Variants in PRKAG2 observed in about 807,000 individuals in gnomAD.
PRKAG2 encodes 5'-AMP-activated protein kinase subunit gamma-2.
Under a neutral mutation model 69.6 loss-of-function variants are expected in PRKAG2, and 26 were observed. The ratio of observed to expected loss-of-function variants is 0.37; its 90% confidence interval spans 0.27 to 0.52. The LOEUF (loss-of-function observed/expected upper bound fraction) is 0.52. PRKAG2 is among the 20% of genes least tolerant of loss of function. The pLI, the probability that PRKAG2 is intolerant of heterozygous loss-of-function variation, is 0.90. For missense variants in PRKAG2, 557 were observed against 740.0 expected (o/e 0.75, Z 2.87); for synonymous variants, 293 against 285.0 (o/e 1.03, Z -0.28).
At chr7:151,572,877 T>A (rs112864625) in intron 8 of PRKAG2, among the ~76,000 whole-genome samples, 168 bp from the exon 9 acceptor site, 1 of 151,966 alleles carries the variant, frequency 6.6e-6, no homozygotes, top group Non-Finnish European at 1.5e-5. Context: ...CTTTGGGAGA[T>A]CAAGGTGGGC....
In PRKAG2 at chr7:151,763,748, G is replaced by A. The variant is rs369829199; in HGVS notation, c.466+17404C>T. On this transcript the variant is annotated intron_variant, in intron 3 of 15. Coordinates refer to ENST00000287878, the MANE Select transcript of PRKAG2 (RefSeq NM_016203.4). ...CCTGGGCCTCTGCCCTCCCTCGTGT[G>A]CCAGCCATACCCAGCTGTCTGTCTC... Among the ~76,000 whole-genome samples the A allele has an allele frequency of 3.3e-5, 5 of 152,272 alleles. No homozygotes were observed. The South Asian group carries it at 6.2e-4, about 19-fold the overall frequency.
At chr7:151,722,812 T>C (rs1188969421) in intron 3 of PRKAG2, among the ~76,000 whole-genome samples, 1 of 152,042 alleles carries the variant, frequency 6.6e-6, no homozygotes, top group Admixed American at 6.5e-5. Flanking sequence ...GCAAAACTGA[T>C]TAGATAGGCA....
intron 1 of PRKAG2, among the ~76,000 whole-genome samples, chr7:151,866,236 C>T (rs1210848900): frequency 6.6e-6 from 1 of 152,188 alleles, no homozygotes; most frequent in African/African-American, 2.4e-5. Context: ...CGTCCAGCCT[C>T]ATCCCCTACC....
intron 3 of PRKAG2, among the ~76,000 whole-genome samples, chr7:151,729,144 G>T (rs1586121487): frequency 6.8e-6 from 1 of 146,948 alleles, no homozygotes; most frequent in Non-Finnish European, 1.5e-5. Context: ...GCTTTTCCAG[G>T]CATGGATGAG....
At chr7:151,773,072 AGGG>A (rs2076147804) in intron 3 of PRKAG2, among the ~76,000 whole-genome samples, 1 of 33,954 alleles carries the variant, frequency 2.9e-5, no homozygotes, top group African/African-American at 1.4e-4. Context: ...GGAGGGAGGG[AGGG>A]AGGGAGGGAG....
intron 4 of PRKAG2, among the ~76,000 whole-genome samples, chr7:151,671,623 G>C (rs1245742051): frequency 1.3e-5 from 2 of 152,254 alleles, no homozygotes; most frequent in African/African-American, 4.8e-5. Flanking sequence ...TCTGAAAAGA[G>C]GTTGAGGTTC....
chr7:151,773,088 A>AG (rs1563640718), intron 3 of PRKAG2, among the ~76,000 whole-genome samples: 2 of 27,566 alleles, frequency 7.3e-5, no homozygotes, highest in Non-Finnish European at 1.3e-4. Context: ...GGAGGGAGGG[A>AG]GGGAGGGAAG....
At chr7:151,812,978 C>T (rs1370509609) in intron 1 of PRKAG2, among the ~76,000 whole-genome samples, 3 of 151,804 alleles carry the variant, frequency 2.0e-5, no homozygotes, top group South Asian at 4.2e-4. Context: ...TTTATCTAGT[C>T]CTTGGAAGTT....
At position 151,644,282 on chromosome 7, in the gene PRKAG2, TA is replaced by T. The variant is rs553443433; in HGVS notation, c.685-12145del. 1.1e-3 allele frequency among the ~76,000 whole-genome samples: 160 copies of T among 152,250 alleles called. 1 individual carries two copies. Among genetic ancestry groups the T allele is most frequent in the Non-Finnish European group, 2.0e-3 (135 of 67,996 alleles). ...AGTAAATAAATGTTAAAGAGAAAAT[TA>T]AAAAAATAAAATATAGAGAAAATTT... On this transcript the variant is annotated intron_variant, in intron 4 of 15. Coordinates refer to ENST00000287878, the MANE Select transcript of PRKAG2 (RefSeq NM_016203.4).
At chr7:151,627,417 G>A (rs186560186) in intron 5 of PRKAG2, among the ~76,000 whole-genome samples, 6 of 152,254 alleles carry the variant, frequency 3.9e-5, no homozygotes, top group Non-Finnish European at 4.4e-5. Flanking sequence ...CTTGAGGCCA[G>A]GAGTTCGAGA....
At chr7:151,586,571 G>A (rs2151090668) in intron 6 of PRKAG2, among the ~76,000 whole-genome samples, 1 of 152,312 alleles carries the variant, frequency 6.6e-6, no homozygotes, top group African/African-American at 2.4e-5. Flanking sequence ...GAAATGAGAT[G>A]TGGTTCATGC....
At chr7:151,687,274 G>A (rs182116364) in intron 3 of PRKAG2, among the ~76,000 whole-genome samples, 23 of 152,244 alleles carry the variant, frequency 1.5e-4, no homozygotes, top group East Asian at 5.8e-4. Context: ...TAGATACTTC[G>A]CTTGGGCAAA....
At chr7:151,743,574 T>C (rs1242986236) in intron 3 of PRKAG2, among the ~76,000 whole-genome samples, 2 of 152,252 alleles carry the variant, frequency 1.3e-5, no homozygotes, top group Non-Finnish European at 2.9e-5. Context: ...ACTGTTAGCA[T>C]GCTTCATTGT....
intron 1 of PRKAG2, among the ~76,000 whole-genome samples, chr7:151,815,028 C>T (rs557344985): frequency 6.6e-6 from 1 of 152,204 alleles, no homozygotes; most frequent in East Asian, 1.9e-4. Context: ...CTGCACTGTT[C>T]CCATCTAACT....
chr7:151,559,478 A>G (rs545153399), intron 15 of PRKAG2: 1 of 984,344 alleles, frequency 1.0e-6, no homozygotes, highest in Admixed American at 6.1e-5. Flanking sequence ...CCCCAACATG[A>G]ACATTTCATT....
intron 4 of PRKAG2, among the ~76,000 whole-genome samples, chr7:151,668,500 ACCC>A (rs1374980365): frequency 4.6e-5 from 7 of 152,196 alleles, no homozygotes; most frequent in Non-Finnish European, 1.0e-4. Flanking sequence ...GCTCTGGTGC[ACCC>A]AGCTGCTGCA....
At chr7:151,745,457 G>A (rs1406340768) in intron 3 of PRKAG2, among the ~76,000 whole-genome samples, 1 of 152,192 alleles carries the variant, frequency 6.6e-6, no homozygotes, top group Non-Finnish European at 1.5e-5. Context: ...CCTCTGCGGA[G>A]CACCCTCTGC....
rs2080415264 is a variant in PRKAG2 at position 151,876,758 on chromosome 7, G to A, written c.-138C>T. 3.5e-6 allele frequency: 3 copies of A among 849,138 alleles called. No homozygotes were observed. The highest frequency in any genetic ancestry group is 5.7e-6 in the Non-Finnish European group (3 of 522,838). The allele number at this position is 849,138 out of a possible 1,614,324, so 52.6% of individuals were successfully genotyped here. ...CACCTCGTGGGGACTTCCGCGGAGA[G>A]GGAGGGTGAGCAGGGAACTCGCGCG... On this transcript the variant is annotated 5_prime_UTR_variant, in exon 1 of 16. Transcript: ENST00000287878.
At chr7:151,617,367 C>A (rs1323134881) in intron 5 of PRKAG2, among the ~76,000 whole-genome samples, 1 of 151,310 alleles carries the variant, frequency 6.6e-6, no homozygotes, top group African/African-American at 2.4e-5. Flanking sequence ...CCGGGATTCA[C>A]CTGCAAATAA....
Sources: gnomAD v4.1 joint callset for allele counts (sites outside exome capture counted in the v4.1 genomes callset) on GRCh38, gnomAD v4.1.1 for gene constraint, MANE v1.5 for transcripts, NCBI Gene and HGNC (gene_info 2026-07-23, HGNC 2026-07-21) for gene names.